Variants in COMMD1 observed in about 807,000 individuals in gnomAD.
COMMD1 encodes the protein COMM domain-containing protein 1.
Under a neutral mutation model 17.2 loss-of-function variants are expected in COMMD1, and 10 were observed. The observed-to-expected ratio is 0.58, with a 90% CI of 0.36 to 0.99. COMMD1 has a LOEUF of 0.99. Among genes scored for constraint, COMMD1 ranks in the 50% least tolerant of loss-of-function variants. COMMD1 has a pLI of 0.01. For synonymous variants in COMMD1, 97 were observed against 91.6 expected, an observed-to-expected ratio of 1.06 and a Z score of -0.34; for missense variants, 270 against 231.8, an observed-to-expected ratio of 1.17 and a Z score of -1.07.
rs538949011 is a variant in COMMD1 at position 62,120,748 on chromosome 2, TGG to T, written c.463-15082_463-15081del. The stretch of plus-strand genomic sequence containing the variant: ...TCTTTTCTTTCTTTTTTTTTAGAGA[TGG>T]AGTCTTGCCCTGTCACCCAGGCTGG... On this transcript the variant is annotated intron_variant, in intron 2 of 2. Coordinates refer to ENST00000311832, the MANE Select transcript of COMMD1 (RefSeq NM_152516.4). 1.6e-4 allele frequency among the ~76,000 whole-genome samples: 24 copies of T among 152,182 alleles called. No individual in the cohort carries two copies. In the South Asian group the frequency reaches 4.1e-3, roughly 26 times the overall value.
intron 1 of COMMD1, among the ~76,000 whole-genome samples, chr2:61,943,435 C>G (rs924951958): frequency 1.3e-5 from 2 of 152,128 alleles, no homozygotes; most frequent in African/African-American, 4.8e-5. Context: ...TCAAAGTGTG[C>G]TGGTTGTGGG....
intron 2 of COMMD1, among the ~76,000 whole-genome samples, chr2:62,026,512 T>A (rs766345405): frequency 6.6e-6 from 1 of 152,156 alleles, no homozygotes. Context: ...ACCTCCAACA[T>A]TGGAGATTAC....
chr2:62,121,147 A>T (rs1573209362), intron 2 of COMMD1, among the ~76,000 whole-genome samples: 1 of 151,866 alleles, frequency 6.6e-6, no homozygotes, highest in East Asian at 1.9e-4. Flanking sequence ...AGGCAGGCAG[A>T]TCACTTGAGT....
intron 1 of COMMD1, among the ~76,000 whole-genome samples, chr2:61,958,277 T>A (rs1671246687): frequency 6.6e-6 from 1 of 151,816 alleles, no homozygotes; most frequent in African/African-American, 2.4e-5. Context: ...TCCTTTTTTT[T>A]TTTTTTGAGA....
intron 1 of COMMD1, among the ~76,000 whole-genome samples, chr2:61,948,408 T>A (rs1013138568): frequency 6.6e-6 from 1 of 152,242 alleles, no homozygotes; most frequent in Admixed American, 6.5e-5. Context: ...TTAATTTATG[T>A]AAGTGCTTAT....
chr2:61,983,347 G>A (rs554497345), intron 1 of COMMD1, among the ~76,000 whole-genome samples: 61 of 150,962 alleles, frequency 4.0e-4, no homozygotes, highest in South Asian at 2.5e-3. Context: ...GTGCCACCAC[G>A]CCTGGCTAAT....
intron 2 of COMMD1, among the ~76,000 whole-genome samples, chr2:62,117,783 A>G (rs900571501): frequency 9.2e-5 from 14 of 152,066 alleles, no homozygotes; most frequent in African/African-American, 2.2e-4. Context: ...GACTTTTCCC[A>G]CAATCTCTCC....
intron 2 of COMMD1, among the ~76,000 whole-genome samples, chr2:62,006,089 G>A (rs1489453692): frequency 3.4e-5 from 5 of 148,606 alleles, no homozygotes; most frequent in East Asian, 2.0e-4. Flanking sequence ...GTAAACTATC[G>A]CAAGGACAAA....
At chr2:62,044,867 C>T (rs942379921) in intron 2 of COMMD1, among the ~76,000 whole-genome samples, 1 of 147,912 alleles carries the variant, frequency 6.8e-6, no homozygotes, top group East Asian at 2.0e-4. Flanking sequence ...GACCTGTTTT[C>T]TTCCTGAATA....
At chr2:61,901,916 C>G (rs1669664619), upstream of COMMD1, among the ~76,000 whole-genome samples, 1 of 152,048 alleles carries the variant, frequency 6.6e-6, no homozygotes. Context: ...TCACTGCAAC[C>G]TCTGCCTCCT....
chr2:62,103,832 G>A (rs192141967), intron 2 of COMMD1, among the ~76,000 whole-genome samples: 1 of 152,058 alleles, frequency 6.6e-6, no homozygotes, highest in Admixed American at 6.5e-5. Context: ...GAACTGTAAT[G>A]TGTGCCGTCA....
chr2:62,116,996 C>CA lies in COMMD1; in HGVS notation c.463-18816dup, dbSNP rs11350513. ...GGCAACAAGAGCGAAAACTTCGTCT[C>CA]AAAAAAAAAAAAAAAAAAATGACAA... is the stretch of plus-strand genomic sequence containing the variant. On this transcript the variant is annotated intron_variant, in intron 2 of 2. Coordinates refer to ENST00000311832, the MANE Select transcript of COMMD1 (RefSeq NM_152516.4). Among the ~76,000 whole-genome samples the CA allele has an allele frequency of 6.1e-3, 611 of 100,822 alleles. 2 individuals are homozygous for CA. Among genetic ancestry groups the CA allele is most frequent in the African/African-American group, 0.015 (449 of 29,438 alleles). The allele number at this position is 100,822 out of a possible 152,430, so 66.1% of individuals were successfully genotyped here.
chr2:61,949,321 C>T (rs1670991824), intron 1 of COMMD1, among the ~76,000 whole-genome samples: 1 of 151,926 alleles, frequency 6.6e-6, no homozygotes, highest in Non-Finnish European at 1.5e-5. Context: ...AACAAAGAGC[C>T]AGGGAGAACT....
chr2:62,028,177 C>CT (rs1367389719), intron 2 of COMMD1, among the ~76,000 whole-genome samples: 1 of 152,020 alleles, frequency 6.6e-6, no homozygotes, highest in East Asian at 1.9e-4. Context: ...GTAATTGTGG[C>CT]TTTTTTTAAG....
At chr2:61,949,729 C>T (rs1558532916) in intron 1 of COMMD1, among the ~76,000 whole-genome samples, 1 of 152,180 alleles carries the variant, frequency 6.6e-6, no homozygotes, top group Non-Finnish European at 1.5e-5. Flanking sequence ...ATACTTTTGA[C>T]ACTGGGTAGG....
At chr2:62,053,955 A>T (rs1158640164) in intron 2 of COMMD1, among the ~76,000 whole-genome samples, 1 of 152,216 alleles carries the variant, frequency 6.6e-6, no homozygotes, top group African/African-American at 2.4e-5. Context: ...GTATTCATCC[A>T]ATAGGGGTCT....
intron 2 of COMMD1, among the ~76,000 whole-genome samples, chr2:62,087,641 G>A (rs1189027536): frequency 6.6e-6 from 1 of 152,160 alleles, no homozygotes; most frequent in Non-Finnish European, 1.5e-5. Flanking sequence ...CAGCTACCTG[G>A]GAGGCTGAGT....
chr2:62,064,178 C>G (rs1404930149), intron 2 of COMMD1, among the ~76,000 whole-genome samples: 1 of 151,444 alleles, frequency 6.6e-6, no homozygotes, highest in African/African-American at 2.4e-5. Context: ...TATTTTTTAA[C>G]TTTTTATTTA....
At chr2:61,956,132 C>A (rs1260472738) in intron 1 of COMMD1, among the ~76,000 whole-genome samples, 1 of 152,146 alleles carries the variant, frequency 6.6e-6, no homozygotes, top group African/African-American at 2.4e-5. Flanking sequence ...AGAAAGGTTC[C>A]TTAGGGGTGC....
Sources: gnomAD v4.1 joint callset for allele counts (sites outside exome capture counted in the v4.1 genomes callset) on GRCh38, gnomAD v4.1.1 for gene constraint, MANE v1.5 for transcripts, NCBI Gene and HGNC (gene_info 2026-07-23, HGNC 2026-07-21) for gene names.